Variants in ANKRD12 observed in about 807,000 individuals in gnomAD.
The protein encoded by ANKRD12 is ankyrin repeat domain-containing protein 12.
A neutral mutation model predicts 183.4 loss-of-function variants in ANKRD12; 85 were observed. The observed-to-expected ratio is 0.46, with a 90% CI of 0.39 to 0.56. ANKRD12 has a LOEUF of 0.56. Among genes scored for constraint, ANKRD12 ranks in the 20% least tolerant of loss-of-function variants. The pLI is 0.00. For synonymous variants in ANKRD12, 914 were observed against 800.2 expected (o/e 1.14, Z -2.40); for missense variants, 2,405 against 2,357.1 (o/e 1.02, Z -0.42).
intron 9 of ANKRD12, among the ~76,000 whole-genome samples, chr18:9,260,613 G>A (rs901310586): frequency 6.6e-6 from 1 of 152,226 alleles, no homozygotes; most frequent in Non-Finnish European, 1.5e-5. Flanking sequence ...GGTGATAAAA[G>A]GAAAGTGCAT....
At chr18:9,151,645 G>A (rs2078688928) in intron 1 of ANKRD12, among the ~76,000 whole-genome samples, 1 of 152,158 alleles carries the variant, frequency 6.6e-6, no homozygotes, top group African/African-American at 2.4e-5. Context: ...ACTGTGATAT[G>A]GTCCTTTGCT....
Position 9,255,124 on chromosome 18 carries a change from A to G in ANKRD12, c.1857A>G (p.Lys619=), listed in dbSNP as rs199907954. Residue 619 remains lysine (K), a synonymous_variant, in exon 9 of 13, where the codon AAA becomes AAG. Transcript: ENST00000262126. ...ATTTCCACTTAGAATTTGGTGAAAA[A>G]TCAAATGCCAAAATAAAGGATGAAG... ...QKDFHLEFGE[K]SNAKIKDEDH... is the part of the protein sequence containing the mutation. 1.3e-6 allele frequency: 2 copies of G among 1,582,680 alleles called. No individual in the cohort carries two copies. Among genetic ancestry groups the G allele is most frequent in the East Asian group, 2.3e-5 (1 of 44,294 alleles).
chr18:9,158,676 A>G lies in ANKRD12; in HGVS notation c.-52+21711A>G, dbSNP rs144179314. Among the ~76,000 whole-genome samples, 401 of 152,292 alleles carry G rather than the reference A, an allele frequency of 2.6e-3. 1 individual carries two copies. Among genetic ancestry groups the G allele is most frequent in the Non-Finnish European group, 4.8e-3 (327 of 68,024 alleles). On this transcript the variant is annotated intron_variant, in intron 1 of 12. Coordinates refer to ENST00000262126, the MANE Select transcript of ANKRD12 (RefSeq NM_015208.5). The stretch of plus-strand genomic sequence containing the variant: ...AATAGTATTTGTCAGGTTTCTCTAC[A>G]GCACAGTTACTCTTTTTTTCTCCTC...
intron 9 of ANKRD12, among the ~76,000 whole-genome samples, chr18:9,262,787 CTTTTTTTTTTTTT>C (rs71168048): frequency 2.4e-5 from 2 of 83,774 alleles, no homozygotes; most frequent in African/African-American, 1.1e-4. Context: ...CAAGATGTCC[CTTTTTTTTTTTTT>C]TTTTTTTTTT....
chr18:9,227,689 A>G (rs1447939036), intron 8 of ANKRD12, among the ~76,000 whole-genome samples: 2 of 152,152 alleles, frequency 1.3e-5, no homozygotes, highest in African/African-American at 2.4e-5. Flanking sequence ...TTTTCACTAT[A>G]TAATCATTTG....
At chr18:9,192,316 G>A (rs996640379) in intron 2 of ANKRD12, among the ~76,000 whole-genome samples, 8 of 152,280 alleles carry the variant, frequency 5.3e-5, no homozygotes, top group African/African-American at 1.4e-4. Context: ...TGCCATCATA[G>A]GGTTTTCTTT....
intron 6 of ANKRD12, among the ~76,000 whole-genome samples, chr18:9,215,283 A>G (rs910145238): frequency 6.6e-6 from 1 of 152,178 alleles, no homozygotes; most frequent in African/African-American, 2.4e-5. Context: ...ATGTAAATAC[A>G]GTTGGGTTTA....
chr18:9,155,453 T>C (rs1036380430), intron 1 of ANKRD12, among the ~76,000 whole-genome samples: 1 of 152,250 alleles, frequency 6.6e-6, no homozygotes, highest in South Asian at 2.1e-4. Flanking sequence ...TCTTTACATA[T>C]TTGTGTAAGT....
intron 1 of ANKRD12, among the ~76,000 whole-genome samples, chr18:9,164,200 T>A (rs2031781615): frequency 6.6e-6 from 1 of 152,192 alleles, no homozygotes; most frequent in South Asian, 2.1e-4. Context: ...GTTCCTTCAG[T>A]CCCTAGTTTA....
chr18:9,213,382 C>T (rs2035914438), intron 6 of ANKRD12, among the ~76,000 whole-genome samples: 2 of 151,812 alleles, frequency 1.3e-5, no homozygotes, highest in African/African-American at 4.8e-5. Context: ...GACAATTCCA[C>T]TCTCAAGGAT....
At chr18:9,172,982 A>C (rs1270922889) in intron 1 of ANKRD12, among the ~76,000 whole-genome samples, 2 of 151,146 alleles carry the variant, frequency 1.3e-5, no homozygotes, top group Non-Finnish European at 2.9e-5. Context: ...GCTTACTGCA[A>C]CCTCAACCTC....
At chr18:9,138,938 GAC>G (rs1299287802) in intron 1 of ANKRD12, among the ~76,000 whole-genome samples, 2 of 152,220 alleles carry the variant, frequency 1.3e-5, no homozygotes, top group African/African-American at 4.8e-5. Context: ...GTGTTTTAGA[GAC>G]AGATGAGGTG....
chr18:9,159,477 G>T (rs548862186), intron 1 of ANKRD12, among the ~76,000 whole-genome samples: 6 of 152,126 alleles, frequency 3.9e-5, no homozygotes, highest in African/African-American at 1.4e-4. Context: ...TGTCGCCCAG[G>T]CTGGGGTGCA....
At chr18:9,234,025 G>A (rs1432422649) in intron 8 of ANKRD12, among the ~76,000 whole-genome samples, 2 of 151,926 alleles carry the variant, frequency 1.3e-5, no homozygotes. Flanking sequence ...AGTGAATGCT[G>A]GTGTTGGCAG....
In ANKRD12 at chr18:9,177,015, T is replaced by C. The variant is rs546670976; in HGVS notation, c.-51-5367T>C. Among the ~76,000 whole-genome samples, 5 of 152,330 alleles carry C rather than the reference T, an allele frequency of 3.3e-5. No homozygotes were observed. In the South Asian group the frequency reaches 1.0e-3, roughly 32 times the overall value. On this transcript the variant is annotated intron_variant, in intron 1 of 12. Transcript: ENST00000262126. ...GTAAGGAGCAAGAACATACTAATTT[T>C]AAGGGAAGAAACATCTTCGAAGGCA...
rs116176895 is a variant in ANKRD12 at position 9,226,997 on chromosome 18, C to T, written c.943+4998C>T. ...GGAGGGGAAAAATGATTATAAAGGA[C>T]GTTATTAGATCATTTAACAAGGAAA... On this transcript the variant is annotated intron_variant, in intron 8 of 12. Coordinates refer to ENST00000262126, the MANE Select transcript of ANKRD12 (RefSeq NM_015208.5). Among the ~76,000 whole-genome samples the T allele has an allele frequency of 6.9e-3, 1,054 of 152,000 alleles. 21 individuals carry two copies. Among genetic ancestry groups the T allele is most frequent in the African/African-American group, 0.024 (995 of 41,438 alleles).
At position 9,257,278 on chromosome 18, in the gene ANKRD12, T is replaced by C. The variant is rs1453045506; in HGVS notation, c.4011T>C (p.Thr1337=). ...SEESNQGSLL[T]VPGDTSPSPK... ...AGAGCAATCAAGGTAGCTTATTAAC[T>C]GTGCCAGGAGATACTAGTCCTTCTC... The change falls in exon 9 of 13, where the codon ACT becomes ACC. Residue 1337 remains threonine, a synonymous_variant. Coordinates refer to ENST00000262126, the MANE Select transcript of ANKRD12 (RefSeq NM_015208.5). 1 of 1,614,162 alleles carries C rather than the reference T, an allele frequency of 6.2e-7. No homozygotes were observed. The highest frequency in any genetic ancestry group is 1.7e-5 in the Admixed American group (1 of 60,024).
chr18:9,204,613 T>C, intron 4 of ANKRD12, 69 bp downstream of exon 4: 1 of 1,137,256 alleles, frequency 8.8e-7, no homozygotes, highest in Non-Finnish European at 1.3e-6. Flanking sequence ...ATTATTGTAC[T>C]ATAAGTAACT....
Position 9,284,671 on chromosome 18 carries a change from T to C in ANKRD12, c.*3545T>C, listed in dbSNP as rs908669223. On this transcript the variant is annotated 3_prime_UTR_variant, in exon 13 of 13. Coordinates refer to ENST00000262126, the MANE Select transcript of ANKRD12 (RefSeq NM_015208.5). ...CTTTGTACCTAAAATGGAGTTTTTTTTTAAGCCTCCACAGAGATAGTCACC... is the reference window on the plus strand; with the variant it reads ...CTTTGTACCTAAAATGGAGTTTTTTCTTAAGCCTCCACAGAGATAGTCACC... The C allele has an allele frequency of 6.6e-6, 1 of 152,186 alleles. No homozygotes were observed. Among genetic ancestry groups the C allele is most frequent in the Non-Finnish European group, 1.5e-5 (1 of 68,018 alleles). The allele number at this position is 152,186 out of a possible 1,614,324, so 9.4% of individuals were successfully genotyped here.
Sources: allele counts gnomAD v4.1 joint callset (sites outside exome capture counted in the v4.1 genomes callset), GRCh38; gene constraint gnomAD v4.1.1; transcripts MANE v1.5; gene names NCBI Gene and HGNC (gene_info 2026-07-23, HGNC 2026-07-21).